Variants in FBXO42 observed in about 807,000 individuals in gnomAD.
FBXO42 encodes F-box protein 42.
FBXO42 carries 12 observed loss-of-function variants against 71.7 expected under a neutral mutation model. The observed-to-expected ratio is 0.17, with a 90% CI of 0.11 to 0.27. The LOEUF (loss-of-function observed/expected upper bound fraction) is 0.27. FBXO42 is among the 10% of genes least tolerant of loss of function. FBXO42 has a pLI of 1.00. For synonymous variants in FBXO42, 325 were observed against 327.5 expected (o/e 0.99, Z 0.08); for missense variants, 707 against 911.9 (o/e 0.78, Z 2.89).
intron 4 of FBXO42, among the ~76,000 whole-genome samples, chr1:16,266,407 C>T (rs2081773985): frequency 6.6e-6 from 1 of 152,062 alleles, no homozygotes; most frequent in Non-Finnish European, 1.5e-5. Flanking sequence ...GATGGCTTAA[C>T]CTCCTGCCTT....
In FBXO42 at chr1:16,343,811, T is replaced by C. The variant is rs778833276; in HGVS notation, c.-18+8444A>G. 8.3e-4 allele frequency among the ~76,000 whole-genome samples: 123 copies of C among 148,864 alleles called. 1 individual carries two copies. Among genetic ancestry groups the C allele is most frequent in the South Asian group, 2.0e-3 (9 of 4,612 alleles). On this transcript the variant is annotated intron_variant, in intron 1 of 9. Transcript: ENST00000375592. The stretch of plus-strand genomic sequence containing the variant: ...GTACTTCAGCCTGGGTGACAGAGAC[T>C]ACGTCTCAAAAAAAAATATTGGCCA...
chr1:16,296,579 G>A (rs2082132229), intron 3 of FBXO42, among the ~76,000 whole-genome samples: 1 of 150,014 alleles, frequency 6.7e-6, no homozygotes, highest in Non-Finnish European at 1.5e-5. Flanking sequence ...GAACCCGGGA[G>A]GCGGAGGTTG....
In FBXO42 at chr1:16,250,907, C is replaced by T; in HGVS notation, c.1917G>A (p.Met639Ile). ...CGTACATCTGCATGGGCTTGCAGTT[C>T]ATACTCTGGTATAGGGGTTTGCCAA... ...LNVGKPLYQSMNCKPMQMYVL... is the reference protein window; with the variant it reads ...LNVGKPLYQSINCKPMQMYVL... Residue 639 changes from methionine (M) to isoleucine (I), a missense_variant, in exon 10 of 10, where the codon ATG becomes ATA. Physicochemically the swap from Met to Ile is conservative, Grantham distance 10. This residue lies in a region of FBXO42 where 482 missense variants were observed against 587.1 expected (regional missense o/e 0.82). Coordinates refer to ENST00000375592, the MANE Select transcript of FBXO42 (RefSeq NM_018994.3). This position sits in a 1 kb window ranked among gnomAD's most constrained non-coding sequence, Gnocchi z 4.7. 6.2e-7 allele frequency: 1 copy of T among 1,614,180 alleles called. No individual in the cohort carries two copies. Among genetic ancestry groups the T allele is most frequent in the Non-Finnish European group, 8.5e-7 (1 of 1,180,042 alleles).
At chr1:16,281,082 C>T (rs2081958731) in intron 4 of FBXO42, among the ~76,000 whole-genome samples, 1 of 152,032 alleles carries the variant, frequency 6.6e-6, no homozygotes, top group African/African-American at 2.4e-5. Flanking sequence ...CCTGCCTCAG[C>T]CTCCCGAGTA....
intron 1 of FBXO42, among the ~76,000 whole-genome samples, chr1:16,335,082 A>G (rs1454974928): frequency 1.3e-5 from 2 of 150,868 alleles, no homozygotes; most frequent in East Asian, 3.9e-4. Flanking sequence ...AAAAAAAAAA[A>G]AAAAAAAAAT....
At chr1:16,281,956 T>C (rs766767231) in intron 4 of FBXO42, among the ~76,000 whole-genome samples, 1 of 152,148 alleles carries the variant, frequency 6.6e-6, no homozygotes, top group South Asian at 2.1e-4. Flanking sequence ...GATCCTCGAC[T>C]CCCAAAGTGC....
At chr1:16,318,676 A>C (rs2100584150) in intron 1 of FBXO42, among the ~76,000 whole-genome samples, 1 of 152,304 alleles carries the variant, frequency 6.6e-6, no homozygotes, top group Non-Finnish European at 1.5e-5. Flanking sequence ...TTCTCCAGGA[A>C]GCAGATGCTA....
At chr1:16,335,186 A>C (rs2082541260) in intron 1 of FBXO42, among the ~76,000 whole-genome samples, 1 of 152,008 alleles carries the variant, frequency 6.6e-6, no homozygotes, top group South Asian at 2.1e-4. Flanking sequence ...CCAGCGACTC[A>C]GGAGTCTGAG....
At position 16,248,865 on chromosome 1, in the gene FBXO42, G is replaced by C. The variant is rs1323889193; in HGVS notation, c.*1805C>G. The C allele has an allele frequency of 1.3e-5, 2 of 152,280 alleles. No homozygotes were observed. The highest frequency in any genetic ancestry group is 3.8e-4 in the East Asian group (2 of 5,202). The allele number at this position is 152,280 out of a possible 1,614,324, so 9.4% of individuals were successfully genotyped here. A position where few individuals can be genotyped will look rare whatever the true frequency, so the allele number is the denominator to read the frequency against. ...CTGGAACACATACCCCTCCCCACAA[G>C]CTAGGCTTGGCACCAGGGTGGCTTT... On this transcript the variant is annotated 3_prime_UTR_variant, in exon 10 of 10. Transcript: ENST00000375592.
intron 1 of FBXO42, among the ~76,000 whole-genome samples, chr1:16,324,977 C>A (rs2100595656): frequency 6.6e-6 from 1 of 152,122 alleles, no homozygotes. Context: ...GTGGCTCACA[C>A]CAGTAAACCC....
chr1:16,308,084 T>C (rs1192013793), intron 2 of FBXO42, among the ~76,000 whole-genome samples: 2 of 152,114 alleles, frequency 1.3e-5, no homozygotes, highest in African/African-American at 4.8e-5. Flanking sequence ...TTGCAAATAA[T>C]AAACAAATAA....
At chr1:16,345,920 C>A (rs2082651258) in intron 1 of FBXO42, among the ~76,000 whole-genome samples, 1 of 150,266 alleles carries the variant, frequency 6.7e-6, no homozygotes, top group Admixed American at 6.6e-5. Flanking sequence ...CAGGTAGATA[C>A]AAGGTGAATC....
chr1:16,270,660 G>A (rs1203875901), intron 4 of FBXO42, among the ~76,000 whole-genome samples: 1 of 101,178 alleles, frequency 9.9e-6, no homozygotes, highest in Non-Finnish European at 1.8e-5. Context: ...GCAATACAGA[G>A]AGACTCTGTC....
intron 4 of FBXO42, among the ~76,000 whole-genome samples, chr1:16,281,172 G>C (rs1048182114): frequency 2.0e-5 from 3 of 152,142 alleles, no homozygotes; most frequent in Non-Finnish European, 2.9e-5. Flanking sequence ...ATGTTGGTCA[G>C]GCTGGTCTCG....
At chr1:16,276,478 A>G (rs2081904820) in intron 4 of FBXO42, among the ~76,000 whole-genome samples, 1 of 152,118 alleles carries the variant, frequency 6.6e-6, no homozygotes, top group Non-Finnish European at 1.5e-5. Context: ...CCAAACATTG[A>G]GCACGAGCCA....
intron 1 of FBXO42, among the ~76,000 whole-genome samples, chr1:16,324,392 A>G (rs981658803): frequency 2.6e-5 from 4 of 152,200 alleles, no homozygotes; most frequent in Non-Finnish European, 5.9e-5. Context: ...AATTAATAAT[A>G]CCAACACAGA....
chr1:16,298,210 A>G (rs560020971), intron 3 of FBXO42, among the ~76,000 whole-genome samples: 1 of 152,336 alleles, frequency 6.6e-6, no homozygotes, highest in Non-Finnish European at 1.5e-5. Flanking sequence ...TGGGCGATAG[A>G]GCAAGACTCT....
At chr1:16,328,922 T>G (rs1460229888) in intron 1 of FBXO42, among the ~76,000 whole-genome samples, 1 of 151,964 alleles carries the variant, frequency 6.6e-6, no homozygotes, top group Non-Finnish European at 1.5e-5. Flanking sequence ...CCCAGCACTT[T>G]GGGAGGCTGA....
intron 4 of FBXO42, among the ~76,000 whole-genome samples, chr1:16,259,607 T>C (rs2081685841): frequency 1.3e-5 from 2 of 151,780 alleles, no homozygotes; most frequent in African/African-American, 4.8e-5. Context: ...CTATTAAAAA[T>C]ATTAAAAAAT....
Sources: allele counts gnomAD v4.1 joint callset (sites outside exome capture counted in the v4.1 genomes callset), GRCh38; gene constraint gnomAD v4.1.1; regional missense constraint gnomAD v4.1.1; non-coding constraint Gnocchi (gnomAD v3.1); transcripts MANE v1.5; gene names NCBI Gene and HGNC (gene_info 2026-07-23, HGNC 2026-07-21).